SNUPN: variants seen among roughly 807,000 people sequenced by gnomAD.
SNUPN encodes the protein snurportin 1, also known as snurportin-1.
A neutral mutation model predicts 39.2 loss-of-function variants in SNUPN; 31 were observed. The ratio of observed to expected loss-of-function variants is 0.79; its 90% CI spans 0.59 to 1.07. The LOEUF is 1.07. Among genes scored for constraint, SNUPN ranks in the 50% least tolerant of loss-of-function variants. SNUPN has a pLI of 0.00. For synonymous variants in SNUPN, 132 were observed against 159.0 expected (o/e 0.83, Z 1.28); for missense variants, 382 against 434.2 (o/e 0.88, Z 1.07).
chr15:75,613,984 A>T (rs1451406029), intron 3 of SNUPN, among the ~76,000 whole-genome samples: 1 of 152,110 alleles, frequency 6.6e-6, no homozygotes, highest in East Asian at 1.9e-4. Flanking sequence ...TTGTAGTACA[A>T]GAATATTAAT....
At chr15:75,606,334 G>C (rs560995479) in intron 6 of SNUPN, among the ~76,000 whole-genome samples, 13 of 152,258 alleles carry the variant, frequency 8.5e-5, no homozygotes, top group East Asian at 7.7e-4. Flanking sequence ...GAATGGCTTA[G>C]AAAGAAGCAG....
At chr15:75,615,081 A>T (rs1219081997) in intron 3 of SNUPN, among the ~76,000 whole-genome samples, 1 of 152,142 alleles carries the variant, frequency 6.6e-6, no homozygotes, top group Non-Finnish European at 1.5e-5. Context: ...CTTCCATTCT[A>T]TCTGGCAACA....
At chr15:75,613,401 T>C (rs1022706835) in intron 3 of SNUPN, among the ~76,000 whole-genome samples, 3 of 151,506 alleles carry the variant, frequency 2.0e-5, no homozygotes, top group Admixed American at 6.6e-5. Flanking sequence ...TCCCAGCACT[T>C]TGGGAGGCCG....
chr15:75,615,398 C>A (rs1017498054), intron 3 of SNUPN, among the ~76,000 whole-genome samples: 1 of 152,080 alleles, frequency 6.6e-6, no homozygotes, highest in Admixed American at 6.6e-5. Flanking sequence ...GCAAACTGCT[C>A]CCGGGCACAC....
intron 3 of SNUPN, among the ~76,000 whole-genome samples, chr15:75,616,624 C>G (rs755685921): frequency 6.6e-6 from 1 of 152,122 alleles, no homozygotes; most frequent in Non-Finnish European, 1.5e-5. Flanking sequence ...GGGGAGAATT[C>G]TGAGATGACA....
chr15:75,605,102 C>T, intron 7 of SNUPN, 48 bp downstream of exon 7: 2 of 1,184,420 alleles, frequency 1.7e-6, no homozygotes, highest in Admixed American at 1.9e-5. Flanking sequence ...CAGACCAATC[C>T]ACACTACTCC....
chr15:75,615,843 C>T (rs903601856), intron 3 of SNUPN, among the ~76,000 whole-genome samples: 5 of 151,718 alleles, frequency 3.3e-5, no homozygotes, highest in Admixed American at 2.6e-4. Context: ...CTCCTGACCT[C>T]GTGATCCACC....
intron 1 of SNUPN, chr15:75,622,586 C>G: frequency 1.4e-6 from 1 of 708,290 alleles, no homozygotes; most frequent in Non-Finnish European, 1.7e-6. Context: ...TGGGAGAAAT[C>G]TGACTTGCAC....
chr15:75,618,808 C>T (rs974944358), intron 2 of SNUPN, among the ~76,000 whole-genome samples: 3 of 151,998 alleles, frequency 2.0e-5, no homozygotes, highest in Non-Finnish European at 1.5e-5. Context: ...GTGGTTATTT[C>T]CTGAACATTG....
At chr15:75,615,385 C>A (rs1567558476) in intron 3 of SNUPN, among the ~76,000 whole-genome samples, 1 of 152,078 alleles carries the variant, frequency 6.6e-6, no homozygotes, top group Non-Finnish European at 1.5e-5. Context: ...CCCTAACTGG[C>A]CTGCAAACTG....
At chr15:75,611,540 C>T (rs1012189398) in intron 3 of SNUPN, among the ~76,000 whole-genome samples, 1 of 151,748 alleles carries the variant, frequency 6.6e-6, no homozygotes, top group African/African-American at 2.4e-5. Flanking sequence ...GCATGAGCCA[C>T]CACGCCCGGC....
Position 75,598,611 on chromosome 15 carries a change from A to G in SNUPN, c.830T>C (p.Leu277Pro). The change falls in exon 9 of 9, where the codon CTG (leucine) becomes CCG (proline). Residue 277 changes from leucine (L) to proline (P), a missense_variant. Transcript: ENST00000308588. ...GACATCTGACACCATGTAGGGGCGCAGCCAGCCCACCAAGGGAGTGCTTCC... is the reference window on the plus strand; with the variant it reads ...GACATCTGACACCATGTAGGGGCGCGGCCAGCCCACCAAGGGAGTGCTTCC... ...SPGSTPLVGW[L>P]RPYMVSDVLG... The G allele has an allele frequency of 1.2e-6, 2 of 1,613,976 alleles. No homozygotes were observed. The highest frequency in any genetic ancestry group is 1.7e-6 in the Non-Finnish European group (2 of 1,179,814).
At chr15:75,608,619 T>A (rs1225620712) in intron 5 of SNUPN, among the ~76,000 whole-genome samples, 1 of 152,226 alleles carries the variant, frequency 6.6e-6, no homozygotes, top group African/African-American at 2.4e-5. Context: ...AGCCCCAGCA[T>A]CAGCTGGCTG....
chr15:75,598,638 G>T lies in SNUPN; in HGVS notation c.803C>A (p.Pro268His), dbSNP rs574288577. ...CCAGCCCACCAAGGGAGTGCTTCCGGGGCTGTAGTGGGTCTGTTTGTGGTA... is the reference window on the plus strand; with the variant it reads ...CCAGCCCACCAAGGGAGTGCTTCCGTGGCTGTAGTGGGTCTGTTTGTGGTA... ...LFYHKQTHYS[P>H]GSTPLVGWLR... The change falls in exon 9 of 9, where the codon CCC (proline) becomes CAC (histidine). Residue 268 changes from proline (P) to histidine (H), a missense_variant. Pro to His is a moderately conservative substitution (Grantham distance 77). Transcript: ENST00000308588. 2.5e-6 allele frequency: 4 copies of T among 1,610,788 alleles called. No individual in the cohort carries two copies. The highest frequency in any genetic ancestry group is 2.2e-5 in the South Asian group (2 of 91,062).
intron 3 of SNUPN, 89 bp downstream of exon 3, chr15:75,617,319 T>A (rs1892963161): frequency 2.2e-6 from 3 of 1,385,228 alleles, no homozygotes; most frequent in Non-Finnish European, 2.0e-6. Flanking sequence ...CATTCTCCTC[T>A]CTTTATGACA....
chr15:75,615,682 A>G (rs1218694886), intron 3 of SNUPN, among the ~76,000 whole-genome samples: 1 of 143,754 alleles, frequency 7.0e-6, no homozygotes, highest in Non-Finnish European at 1.5e-5. Context: ...GCTCACTGCA[A>G]GCTCCGCCTC....
chr15:75,610,071 T>G (rs576544038), intron 3 of SNUPN, 77 bp from the exon 4 acceptor site: 3 of 1,098,482 alleles, frequency 2.7e-6, no homozygotes, highest in South Asian at 1.3e-5. Context: ...GGCATTAATA[T>G]CCTGTGTGTA....
rs1334817569 is a variant in SNUPN at position 75,607,261 on chromosome 15, A to C, written c.555T>G (p.Val185=). 1 of 1,613,884 alleles carries C rather than the reference A, an allele frequency of 6.2e-7. No homozygotes were observed. The highest frequency in any genetic ancestry group is 8.5e-7 in the Non-Finnish European group (1 of 1,179,794). The change falls in exon 6 of 9, where the codon GTT becomes GTG. Residue 185 remains valine, a synonymous_variant. Coordinates refer to ENST00000308588, the MANE Select transcript of SNUPN (RefSeq NM_005701.4). ...IYNEVNQTYY[V]LDVMCWRGHP... is the part of the protein sequence containing the mutation. ...GTCCCCGCCAGCACATCACATCCAG[A>C]ACGTAGTAGGTCTGGTTTACCTCAT...
At position 75,598,126 on chromosome 15, in the gene SNUPN, T is replaced by C. The variant is rs867083650; in HGVS notation, c.*232A>G. 92 of 485,126 alleles carry C rather than the reference T, an allele frequency of 1.9e-4. No homozygotes were observed. Among genetic ancestry groups the C allele is most frequent in the Middle Eastern group, 1.6e-3 (3 of 1,862 alleles). The allele number at this position is 485,126 out of a possible 1,614,324, so 30.1% of individuals were successfully genotyped here. A position where few individuals can be genotyped will look rare whatever the true frequency, so the allele number is the denominator to read the frequency against. ...ATATATTTACATTGTGGATCTGGGATACACTTATCACAGTAGGAGCTGCTC... is the reference window on the plus strand; with the variant it reads ...ATATATTTACATTGTGGATCTGGGACACACTTATCACAGTAGGAGCTGCTC... On this transcript the variant is annotated 3_prime_UTR_variant, in exon 9 of 9. Coordinates refer to ENST00000308588, the MANE Select transcript of SNUPN (RefSeq NM_005701.4).
Sources: gnomAD v4.1 joint callset for allele counts (sites outside exome capture counted in the v4.1 genomes callset) on GRCh38, gnomAD v4.1.1 for gene constraint, MANE v1.5 for transcripts, NCBI Gene and HGNC (gene_info 2026-07-23, HGNC 2026-07-21) for gene names.